DPP10: variants seen among roughly 807,000 people sequenced by gnomAD.
DPP10 encodes inactive dipeptidyl peptidase 10.
In DPP10, 33 loss-of-function variants were observed where a neutral mutation model predicts 120.9. The ratio of observed to expected loss-of-function variants is 0.27; its 90% CI spans 0.21 to 0.37. The LOEUF (loss-of-function observed/expected upper bound fraction) is 0.37, where lower values mean the gene tolerates loss of function less well. Ranked by LOEUF, DPP10 falls within the 10% of genes least tolerant of loss-of-function variation. DPP10 has a pLI of 1.00. For synonymous variants in DPP10, 337 were observed against 326.1 expected, an observed-to-expected ratio of 1.03 and a Z score of -0.36; for missense variants, 816 against 942.8, an observed-to-expected ratio of 0.87 and a Z score of 1.76.
At chr2:115,804,464 T>C (rs1181274069) in intron 19 of DPP10, among the ~76,000 whole-genome samples, 1 of 152,190 alleles carries the variant, frequency 6.6e-6, no homozygotes, top group Non-Finnish European at 1.5e-5. Flanking sequence ...CTTCGTTCCG[T>C]TGCTGGTGAG....
chr2:115,347,344 C>G (rs183528608), intron 3 of DPP10, among the ~76,000 whole-genome samples: 1 of 152,084 alleles, frequency 6.6e-6, no homozygotes, highest in African/African-American at 2.4e-5. Context: ...AGAACTCCCC[C>G]GGAAATAGGG....
chr2:114,703,621 A>G (rs1210154289), intron 1 of DPP10, among the ~76,000 whole-genome samples: 1 of 152,190 alleles, frequency 6.6e-6, no homozygotes, highest in Non-Finnish European at 1.5e-5. Flanking sequence ...TCATTGTTAA[A>G]GTTCACACAA....
chr2:115,300,775 G>A (rs1396947145), intron 1 of DPP10, among the ~76,000 whole-genome samples: 1 of 151,916 alleles, frequency 6.6e-6, no homozygotes, highest in Non-Finnish European at 1.5e-5. Flanking sequence ...AGCTCTCAGA[G>A]TGTATTTAAG....
At chr2:115,470,361 T>G (rs926841263) in intron 3 of DPP10, among the ~76,000 whole-genome samples, 4 of 152,164 alleles carry the variant, frequency 2.6e-5, no homozygotes, top group Admixed American at 2.6e-4. Flanking sequence ...TTTATCATCC[T>G]GTCACTGCAC....
intron 5 of DPP10, among the ~76,000 whole-genome samples, chr2:115,605,557 C>T (rs2083649261): frequency 6.6e-6 from 1 of 151,904 alleles, no homozygotes; most frequent in South Asian, 2.1e-4. Flanking sequence ...GCTTTTTTTA[C>T]AGTGTAGAAT....
At chr2:115,057,290 A>T (rs1706002022) in intron 1 of DPP10, among the ~76,000 whole-genome samples, 1 of 152,208 alleles carries the variant, frequency 6.6e-6, no homozygotes, top group South Asian at 2.1e-4. Context: ...TAGAAATAGT[A>T]GAGTTTTGGC....
chr2:115,116,834 A>AT (rs2049535098), intron 1 of DPP10, among the ~76,000 whole-genome samples: 1 of 152,128 alleles, frequency 6.6e-6, no homozygotes, highest in South Asian at 2.1e-4. Context: ...TTCCTCTTGT[A>AT]TTTTCTCTCT....
At chr2:115,419,611 CA>C (rs2069753083) in intron 3 of DPP10, among the ~76,000 whole-genome samples, 1 of 152,058 alleles carries the variant, frequency 6.6e-6, no homozygotes, top group African/African-American at 2.4e-5. Flanking sequence ...TTGGAGGGGA[CA>C]AAATATCCAA....
At chr2:115,332,407 T>C (rs2062806694) in intron 2 of DPP10, among the ~76,000 whole-genome samples, 1 of 152,174 alleles carries the variant, frequency 6.6e-6, no homozygotes, top group Non-Finnish European at 1.5e-5. Context: ...TGAAGGGTTT[T>C]TTATATCTCT....
chr2:115,014,363 A>G (rs1286963526), intron 1 of DPP10, among the ~76,000 whole-genome samples: 1 of 152,220 alleles, frequency 6.6e-6, no homozygotes, highest in Non-Finnish European at 1.5e-5. Flanking sequence ...AGGGAAATTT[A>G]CAGCTCTAAA....
intron 1 of DPP10, among the ~76,000 whole-genome samples, chr2:115,164,055 A>G (rs542999636): frequency 3.9e-5 from 6 of 152,286 alleles, no homozygotes; most frequent in South Asian, 4.1e-4. Flanking sequence ...TCTTGTTTTA[A>G]TAGAGTATTT....
chr2:115,325,164 A>G (rs1430190961), intron 2 of DPP10, among the ~76,000 whole-genome samples: 2 of 152,152 alleles, frequency 1.3e-5, no homozygotes, highest in Non-Finnish European at 2.9e-5. Context: ...AATGGTGTCA[A>G]TAGGCTTGCT....
chr2:114,537,936 C>G (rs1686644547), intron 1 of DPP10, among the ~76,000 whole-genome samples: 1 of 152,210 alleles, frequency 6.6e-6, no homozygotes, highest in Non-Finnish European at 1.5e-5. Context: ...ATCAGTGGTT[C>G]TGGGAATTCG....
chr2:115,525,093 G>A (rs971970196), intron 4 of DPP10, among the ~76,000 whole-genome samples: 2 of 152,092 alleles, frequency 1.3e-5, no homozygotes, highest in African/African-American at 4.8e-5. Context: ...GTATTTCTCT[G>A]CAAATACCAT....
At chr2:115,352,198 A>G (rs1262521391) in intron 3 of DPP10, among the ~76,000 whole-genome samples, 1 of 152,150 alleles carries the variant, frequency 6.6e-6, no homozygotes, top group Non-Finnish European at 1.5e-5. Context: ...TAGAATAAAG[A>G]AGCTAAATAT....
chr2:115,069,261 T>C (rs1707174965), intron 1 of DPP10, among the ~76,000 whole-genome samples: 2 of 152,128 alleles, frequency 1.3e-5, no homozygotes, highest in South Asian at 4.1e-4. Flanking sequence ...TTTATCTCCT[T>C]TGCTCAATCT....
intron 3 of DPP10, among the ~76,000 whole-genome samples, chr2:115,357,033 T>G (rs531510875): frequency 1.3e-5 from 2 of 152,342 alleles, no homozygotes; most frequent in South Asian, 4.1e-4. Flanking sequence ...TCTCCCATCT[T>G]TTGTATTATC....
intron 1 of DPP10, among the ~76,000 whole-genome samples, chr2:115,262,311 A>G (rs887915373): frequency 1.3e-5 from 2 of 152,002 alleles, no homozygotes; most frequent in South Asian, 4.1e-4. Context: ...AAAGACTTCT[A>G]TCTCTATATT....
intron 5 of DPP10, among the ~76,000 whole-genome samples, chr2:115,616,663 T>C (rs1177984835): frequency 6.6e-6 from 1 of 152,134 alleles, no homozygotes; most frequent in Non-Finnish European, 1.5e-5. Context: ...TCTGGATAGG[T>C]GACAAGGTGC....
Sources: gnomAD v4.1 joint callset for allele counts (sites outside exome capture counted in the v4.1 genomes callset) on GRCh38, gnomAD v4.1.1 for gene constraint, MANE v1.5 for transcripts, NCBI Gene and HGNC (gene_info 2026-07-23, HGNC 2026-07-21) for gene names.